The following RRAS2 variants were observed in gnomAD, a reference collection of about 807,000 sequenced individuals.
RRAS2 encodes the protein RAS related 2.
In RRAS2, 7 loss-of-function variants were observed where a neutral mutation model predicts 27.6. That is an observed-to-expected ratio of 0.25 (90% CI 0.14 to 0.48). The LOEUF is 0.48. RRAS2 is among the 20% of genes least tolerant of loss of function. The pLI, the probability that RRAS2 is intolerant of heterozygous loss-of-function variation, is 0.99. For missense variants in RRAS2, 178 were observed against 256.2 expected (o/e 0.69, Z 2.08); for synonymous variants, 86 against 90.9 (o/e 0.95, Z 0.31).
Position 14,358,267 on chromosome 11 carries a change from C to T in RRAS2, c.108+496G>A. ...AGAAATACACAGTACTTGAAGCGGG[C>T]AGCTCCGGCTCAGGCGGCGCGGGGA... On this transcript the variant is annotated intron_variant, in intron 1 of 5. Transcript: ENST00000256196. This position sits in a 1 kb window ranked among gnomAD's most constrained non-coding sequence, Gnocchi z 5.1. The T allele has an allele frequency of 1.0e-6, 1 of 985,544 alleles. No homozygotes were observed. Among genetic ancestry groups the T allele is most frequent in the African/African-American group, 1.7e-5 (1 of 57,384 alleles). 61.0% of individuals were successfully genotyped at this position (985,544 alleles called of 1,614,324 possible). A position where few individuals can be genotyped will look rare whatever the true frequency, so the allele number is the denominator to read the frequency against.
At chr11:14,287,816 G>A (rs1274041232) in intron 4 of RRAS2, among the ~76,000 whole-genome samples, 1 of 147,552 alleles carries the variant, frequency 6.8e-6, no homozygotes, top group African/African-American at 2.5e-5. Flanking sequence ...AGGTTGCACT[G>A]AGCCAAGATT....
chr11:14,330,034 C>CA (rs1173338795), intron 1 of RRAS2, among the ~76,000 whole-genome samples: 6 of 152,124 alleles, frequency 3.9e-5, no homozygotes, highest in Non-Finnish European at 8.8e-5. Context: ...ATGATTGTGC[C>CA]ACTGCACCCC....
At chr11:14,287,290 A>G (rs1849686028) in intron 4 of RRAS2, among the ~76,000 whole-genome samples, 2 of 152,336 alleles carry the variant, frequency 1.3e-5, no homozygotes. Context: ...AAGCATGCTT[A>G]GCAGCTAAAA....
chr11:14,281,210 T>A (rs7941132), intron 5 of RRAS2, among the ~76,000 whole-genome samples: 1 of 152,172 alleles, frequency 6.6e-6, no homozygotes, highest in Non-Finnish European at 1.5e-5. Flanking sequence ...CTTCTTTCTC[T>A]GTACCCCCAT....
At chr11:14,340,576 G>A (rs782662111) in intron 1 of RRAS2, among the ~76,000 whole-genome samples, 8 of 152,088 alleles carry the variant, frequency 5.3e-5, no homozygotes, top group Non-Finnish European at 1.2e-4. Context: ...AGAAGACACC[G>A]AAAGAAAAAT....
In RRAS2 at chr11:14,296,169, G is replaced by C. The variant is rs187899338; in HGVS notation, c.109-314C>G. Among the ~76,000 whole-genome samples the C allele has an allele frequency of 2.6e-5, 4 of 151,934 alleles. No homozygotes were observed. The East Asian group carries it at 7.7e-4, about 29-fold the overall frequency. ...TACTCCAGCCTGGGAGACAGGACAA[G>C]ACCCTGTCTCAAAAATAAAAATAAA... On this transcript the variant is annotated intron_variant, in intron 1 of 5. Transcript: ENST00000256196.
intron 1 of RRAS2, among the ~76,000 whole-genome samples, chr11:14,339,293 A>AAGGGGGG (rs1491545111): frequency 1.6e-5 from 1 of 63,930 alleles, no homozygotes; most frequent in African/African-American, 6.2e-5. Flanking sequence ...AAAAAAAAAA[A>AAGGGGGG]GGGGGGGGGG....
At chr11:14,330,343 C>T (rs1205822050) in intron 1 of RRAS2, among the ~76,000 whole-genome samples, 1 of 152,084 alleles carries the variant, frequency 6.6e-6, no homozygotes, top group Non-Finnish European at 1.5e-5. Flanking sequence ...GAGGCCCAAT[C>T]TATATAAAAA....
At chr11:14,361,465 G>A (rs1267771839), upstream of RRAS2, among the ~76,000 whole-genome samples, 5 of 152,174 alleles carry the variant, frequency 3.3e-5, no homozygotes, top group East Asian at 9.6e-4. Context: ...GGAGGCGGAG[G>A]TTTCAGTGAG....
At chr11:14,306,628 C>A (rs1847836000) in intron 1 of RRAS2, among the ~76,000 whole-genome samples, 1 of 152,162 alleles carries the variant, frequency 6.6e-6, no homozygotes, top group African/African-American at 2.4e-5. Context: ...GCAATACCTG[C>A]TCCTGAGCCA....
chr11:14,313,823 T>C (rs142907512), intron 1 of RRAS2, among the ~76,000 whole-genome samples: 27 of 152,310 alleles, frequency 1.8e-4, no homozygotes, highest in African/African-American at 6.3e-4. Context: ...TTCTGACCTA[T>C]GAAAAAATAA....
At chr11:14,326,471 C>T (rs1163888199) in intron 1 of RRAS2, among the ~76,000 whole-genome samples, 1 of 152,168 alleles carries the variant, frequency 6.6e-6, no homozygotes, top group African/African-American at 2.4e-5. Context: ...GAAATATGTG[C>T]TTTCTAACGC....
At chr11:14,334,508 C>T (rs948546353) in intron 1 of RRAS2, among the ~76,000 whole-genome samples, 1 of 151,136 alleles carries the variant, frequency 6.6e-6, no homozygotes, top group Non-Finnish European at 1.5e-5. Context: ...GAGGGTAAAA[C>T]TTTTTTGAAA....
At chr11:14,339,003 G>C (rs1206610191) in intron 1 of RRAS2, among the ~76,000 whole-genome samples, 5 of 152,128 alleles carry the variant, frequency 3.3e-5, no homozygotes, top group Non-Finnish European at 5.9e-5. Flanking sequence ...GCTGAATGAA[G>C]TTCCACACCA....
At chr11:14,316,133 C>A (rs969555818) in intron 1 of RRAS2, among the ~76,000 whole-genome samples, 3 of 152,142 alleles carry the variant, frequency 2.0e-5, no homozygotes, top group Non-Finnish European at 4.4e-5. Flanking sequence ...TAAAATTTTA[C>A]GTCTCTGAAC....
intron 1 of RRAS2, among the ~76,000 whole-genome samples, chr11:14,305,457 G>A (rs576269072): frequency 4.6e-5 from 7 of 152,284 alleles, no homozygotes; most frequent in African/African-American, 1.7e-4. Flanking sequence ...CCAGAGGACA[G>A]AGCCAGGCCT....
rs185279258 is a variant in RRAS2 at position 14,282,780 on chromosome 11, T to C, written c.409-1060A>G. Among the ~76,000 whole-genome samples, 249 of 152,342 alleles carry C rather than the reference T, an allele frequency of 1.6e-3. 1 individual carries two copies. Among genetic ancestry groups the C allele is most frequent in the African/African-American group, 5.6e-3 (231 of 41,576 alleles). On this transcript the variant is annotated intron_variant, in intron 4 of 5. Coordinates refer to ENST00000256196, the MANE Select transcript of RRAS2 (RefSeq NM_012250.6). ...AAAATAGGATCATAATTTTTGTATA[T>C]CTCATACTCTGGAAGCATTCTGAAC...
upstream of RRAS2, among the ~76,000 whole-genome samples, chr11:14,360,638 A>C (rs1849179499): frequency 6.6e-6 from 1 of 152,048 alleles, no homozygotes; most frequent in Non-Finnish European, 1.5e-5. Context: ...AAGTGCTGGG[A>C]TGGCTGGGCG....
At chr11:14,319,046 C>G (rs552928855) in intron 1 of RRAS2, among the ~76,000 whole-genome samples, 3 of 152,206 alleles carry the variant, frequency 2.0e-5, no homozygotes, top group Non-Finnish European at 4.4e-5. Flanking sequence ...TGCCCAGTCA[C>G]GAGGCTAGTA....
Sources: gnomAD v4.1 joint callset for allele counts (sites outside exome capture counted in the v4.1 genomes callset) on GRCh38, gnomAD v4.1.1 for gene constraint, Gnocchi (gnomAD v3.1) non-coding constraint, MANE v1.5 for transcripts, NCBI Gene and HGNC (gene_info 2026-07-23, HGNC 2026-07-21) for gene names.